HSD17B12: variants seen among roughly 807,000 people sequenced by gnomAD.
HSD17B12 encodes the protein hydroxysteroid 17-beta dehydrogenase 12.
A neutral mutation model predicts 39.3 loss-of-function variants in HSD17B12; 32 were observed. That is an observed-to-expected ratio of 0.81 (90% CI 0.61 to 1.09). The LOEUF (loss-of-function observed/expected upper bound fraction) is 1.09, where lower values mean the gene tolerates loss of function less well. Among genes scored for constraint, HSD17B12 ranks in the 50% least tolerant of loss-of-function variants. The pLI, the probability that HSD17B12 is intolerant of heterozygous loss-of-function variation, is 0.00. For missense variants in HSD17B12, 342 were observed against 382.9 expected (o/e 0.89, Z 0.89); for synonymous variants, 150 against 146.7 (o/e 1.02, Z -0.16).
At chr11:43,663,377 G>A in the HSD17B12 span, among the ~76,000 whole-genome samples, 1 of 152,114 alleles carries the variant, frequency 6.6e-6, no homozygotes, top group Non-Finnish European at 1.5e-5. Flanking sequence ...TGAGATTACT[G>A]GCGTGAGCCA....
intron 3 of HSD17B12, among the ~76,000 whole-genome samples, chr11:43,765,385 G>A (rs1434641100): frequency 6.6e-6 from 1 of 151,802 alleles, no homozygotes; most frequent in Non-Finnish European, 1.5e-5. Context: ...TAAGAAGTCA[G>A]CTGTTATTCT....
At chr11:43,602,649 T>A in the HSD17B12 span, among the ~76,000 whole-genome samples, 1 of 152,154 alleles carries the variant, frequency 6.6e-6, no homozygotes, top group Admixed American at 6.5e-5. Flanking sequence ...CAGATATTTT[T>A]ATTTTGAAAG....
At chr11:43,708,908 C>T (rs555405437) in intron 1 of HSD17B12, among the ~76,000 whole-genome samples, 1 of 152,180 alleles carries the variant, frequency 6.6e-6, no homozygotes, top group Non-Finnish European at 1.5e-5. Flanking sequence ...CTCGCCCGTG[C>T]TTTTTCTGGA....
chr11:43,786,944 C>T (rs1484046307), intron 3 of HSD17B12, among the ~76,000 whole-genome samples: 2 of 151,860 alleles, frequency 1.3e-5, no homozygotes, highest in Non-Finnish European at 2.9e-5. Context: ...TGACTTTGTT[C>T]TTTGTTTGTT....
chr11:43,758,288 G>C (rs1590274944), intron 3 of HSD17B12, among the ~76,000 whole-genome samples: 3 of 152,108 alleles, frequency 2.0e-5, no homozygotes, highest in Admixed American at 2.0e-4. Context: ...TACTGTTGTG[G>C]TGGGGTTATT....
intron 1 of HSD17B12, among the ~76,000 whole-genome samples, chr11:43,704,562 T>C (rs1590675244): frequency 6.6e-6 from 1 of 152,212 alleles, no homozygotes; most frequent in African/African-American, 2.4e-5. Context: ...CCCACATTTG[T>C]ATAGGTACTG....
chr11:43,610,703 G>C, the HSD17B12 span, among the ~76,000 whole-genome samples: 2 of 152,196 alleles, frequency 1.3e-5, no homozygotes, highest in African/African-American at 4.8e-5. Context: ...AGGGAACCAT[G>C]AGCAGCAGGG....
intron 6 of HSD17B12, among the ~76,000 whole-genome samples, chr11:43,821,712 A>T (rs967270671): frequency 2.8e-4 from 42 of 152,218 alleles, no homozygotes; most frequent in African/African-American, 9.4e-4. Context: ...AGGCAGACAA[A>T]TGTAGGTTTC....
intron 3 of HSD17B12, among the ~76,000 whole-genome samples, chr11:43,757,662 A>AC (rs1565077145): frequency 3.5e-5 from 5 of 144,324 alleles, no homozygotes; most frequent in South Asian, 4.4e-4. Flanking sequence ...AAAAAAAAAA[A>AC]AAAAACAAAT....
intron 1 of HSD17B12, among the ~76,000 whole-genome samples, chr11:43,720,415 C>G (rs1950166040): frequency 6.6e-6 from 1 of 152,222 alleles, no homozygotes; most frequent in African/African-American, 2.4e-5. Flanking sequence ...AGACAACAGT[C>G]TTGCCAAACA....
Position 43,814,197 on chromosome 11 carries a change from G to C in HSD17B12, c.392-1240G>C, listed in dbSNP as rs538259226. On this transcript the variant is annotated intron_variant, in intron 4 of 10. Coordinates refer to ENST00000278353, the MANE Select transcript of HSD17B12 (RefSeq NM_016142.3). The stretch of plus-strand genomic sequence containing the variant: ...TTTTCTGAGTTGAATACTGGATAAA[G>C]GTGTGTGAAGGTTTTAACATAGTGG... Among the ~76,000 whole-genome samples, 183 of 152,026 alleles carry C rather than the reference G, an allele frequency of 1.2e-3. 1 individual carries two copies. Among genetic ancestry groups the C allele is most frequent in the African/African-American group, 4.2e-3 (175 of 41,468 alleles).
chr11:43,688,577 GAA>G (rs749885913), intron 1 of HSD17B12, among the ~76,000 whole-genome samples: 1 of 152,148 alleles, frequency 6.6e-6, no homozygotes, highest in Non-Finnish European at 1.5e-5. Flanking sequence ...CCAGTTTCTG[GAA>G]AGTTATCTTT....
intron 4 of HSD17B12, among the ~76,000 whole-genome samples, chr11:43,810,588 C>G (rs1951063472): frequency 6.6e-6 from 1 of 152,032 alleles, no homozygotes; most frequent in Non-Finnish European, 1.5e-5. Flanking sequence ...CCTTTTCTTT[C>G]CACTTCCTTT....
At chr11:43,731,235 G>A (rs1427631405) in intron 1 of HSD17B12, among the ~76,000 whole-genome samples, 4 of 152,174 alleles carry the variant, frequency 2.6e-5, no homozygotes, top group Admixed American at 2.0e-4. Flanking sequence ...GACCTCAGGT[G>A]ATCTGCCCGC....
intron 4 of HSD17B12, among the ~76,000 whole-genome samples, chr11:43,801,590 T>C (rs1315510519): frequency 4.6e-5 from 2 of 43,204 alleles, no homozygotes; most frequent in Non-Finnish European, 1.0e-4. Context: ...TAGTTGATAG[T>C]TGGAGATATA....
At chr11:43,784,913 C>T (rs769927912) in intron 3 of HSD17B12, among the ~76,000 whole-genome samples, 41 of 152,192 alleles carry the variant, frequency 2.7e-4, no homozygotes, top group African/African-American at 8.7e-4. Flanking sequence ...ACTTTTTAAA[C>T]GCCAGACACT....
At chr11:43,636,221 G>A in the HSD17B12 span, among the ~76,000 whole-genome samples, 22 of 152,252 alleles carry the variant, frequency 1.4e-4, no homozygotes, top group African/African-American at 2.6e-4. Context: ...ATGTTGCACC[G>A]TATTAAACTT....
the HSD17B12 span, among the ~76,000 whole-genome samples, chr11:43,559,981 C>T: frequency 1.6e-4 from 25 of 152,240 alleles, 1 homozygote; most frequent in South Asian, 5.0e-3. Flanking sequence ...AAATATAATG[C>T]CTTTGTCTTT....
Position 43,816,391 on chromosome 11 carries a change from G to A in HSD17B12, c.501G>A (p.Lys167=). 1 of 1,522,276 alleles carries A rather than the reference G, an allele frequency of 6.6e-7. No individual in the cohort carries two copies. The allele number at this position is 1,522,276 out of a possible 1,614,324, so 94.3% of individuals were successfully genotyped here. A position where few individuals can be genotyped will look rare whatever the true frequency, so the allele number is the denominator to read the frequency against. Reference sequence around the variant, plus strand: ...ATATTAATATTCTTTCTGTTTGTAAGGTAAGCATCCTTGTTATAAAGATGT... The same window carrying A: ...ATATTAATATTCTTTCTGTTTGTAAAGTAAGCATCCTTGTTATAAAGATGT... ...MININILSVC[K]MTQLVLPGMV... Residue 167 remains lysine (K), a splice_region_variant and synonymous_variant, in exon 6 of 11, where the codon AAG becomes AAA. Transcript: ENST00000278353.
Sources: allele counts gnomAD v4.1 joint callset (sites outside exome capture counted in the v4.1 genomes callset), GRCh38; gene constraint gnomAD v4.1.1; transcripts MANE v1.5; gene names NCBI Gene and HGNC (gene_info 2026-07-23, HGNC 2026-07-21).